Variants in CDKAL1 observed in about 807,000 individuals in gnomAD.
CDKAL1 encodes the protein CDKAL1 threonylcarbamoyladenosine tRNA methylthiotransferase.
Under a neutral mutation model 68.2 loss-of-function variants are expected in CDKAL1, and 32 were observed. The ratio of observed to expected loss-of-function variants is 0.47; its 90% CI spans 0.35 to 0.63. CDKAL1 has a LOEUF of 0.63. Ranked by LOEUF, CDKAL1 falls within the 30% of genes least tolerant of loss-of-function variation. The pLI is 0.00. For missense variants in CDKAL1, 606 were observed against 696.7 expected, an observed-to-expected ratio of 0.87 and a Z score of 1.47; for synonymous variants, 234 against 244.3, an observed-to-expected ratio of 0.96 and a Z score of 0.39.
rs1763524196 is a variant in CDKAL1 at position 20,932,748 on chromosome 6, A to G, written c.743-22671A>G. ...TTGCCAACACCAAAAATGTTTCCCTAAAGAAAAATGAGGGAGAGGATATTA... is the reference window on the plus strand; with the variant it reads ...TTGCCAACACCAAAAATGTTTCCCTGAAGAAAAATGAGGGAGAGGATATTA... On this transcript the variant is annotated intron_variant, in intron 9 of 15. Coordinates refer to ENST00000274695, the MANE Select transcript of CDKAL1 (RefSeq NM_017774.3). Among the ~76,000 whole-genome samples, 3 of 152,142 alleles carry G rather than the reference A, an allele frequency of 2.0e-5. 1 individual carries two copies. Among genetic ancestry groups the G allele is most frequent in the South Asian group, 4.2e-4 (2 of 4,814 alleles).
chr6:20,620,159 A>G (rs933562743), intron 4 of CDKAL1, among the ~76,000 whole-genome samples: 3 of 152,228 alleles, frequency 2.0e-5, no homozygotes, highest in Admixed American at 2.0e-4. Context: ...CTTATTTTCC[A>G]CATATACAGA....
At chr6:20,958,938 G>A (rs1435773336) in intron 10 of CDKAL1, among the ~76,000 whole-genome samples, 1 of 152,120 alleles carries the variant, frequency 6.6e-6, no homozygotes, top group Non-Finnish European at 1.5e-5. Context: ...GTTATATAAA[G>A]GAAAGCACCA....
chr6:21,003,431 T>C (rs965544550), intron 11 of CDKAL1, among the ~76,000 whole-genome samples: 5 of 144,146 alleles, frequency 3.5e-5, no homozygotes, highest in Non-Finnish European at 7.5e-5. Flanking sequence ...CCAGGCATGG[T>C]GGCACGTGCC....
intron 9 of CDKAL1, among the ~76,000 whole-genome samples, chr6:20,919,932 G>A (rs760418508): frequency 3.9e-5 from 6 of 152,164 alleles, no homozygotes; most frequent in Non-Finnish European, 8.8e-5. Flanking sequence ...AGGTTTGCTA[G>A]CCAGAGTGGT....
intron 13 of CDKAL1, among the ~76,000 whole-genome samples, chr6:21,158,584 A>G (rs575165243): frequency 6.6e-6 from 1 of 152,294 alleles, no homozygotes; most frequent in Admixed American, 6.5e-5. Flanking sequence ...CACTCCCTGG[A>G]CCACAAACAT....
chr6:20,577,867 T>C (rs1324173300), intron 4 of CDKAL1, among the ~76,000 whole-genome samples: 8 of 152,194 alleles, frequency 5.3e-5, no homozygotes, highest in African/African-American at 1.9e-4. Context: ...ATTAGTATCA[T>C]GGTATAAGCA....
intron 6 of CDKAL1, among the ~76,000 whole-genome samples, chr6:20,751,901 T>C (rs1181499258): frequency 1.3e-5 from 2 of 152,190 alleles, no homozygotes. Context: ...AGAGCCTCAA[T>C]TTATATATTA....
Position 21,230,947 on chromosome 6 carries a change from C to T in CDKAL1, c.1648C>T (p.Pro550Ser). The T allele has an allele frequency of 6.2e-7, 1 of 1,614,136 alleles. No homozygotes were observed. Among genetic ancestry groups the T allele is most frequent in the Non-Finnish European group, 8.5e-7 (1 of 1,179,968 alleles). Reference sequence around the variant, plus strand: ...GAGTTCCAGAATGGTGCTGCCCATGCCAAGGCTACATCAAGACTGTGCGCT... The same window carrying T: ...GAGTTCCAGAATGGTGCTGCCCATGTCAAGGCTACATCAAGACTGTGCGCT... ...SASSRMVLPM[P>S]RLHQDCALRM... Residue 550 changes from proline (P) to serine (S), a missense_variant, in exon 16 of 16, where the codon CCA becomes TCA. Transcript: ENST00000274695.
rs183223571 is a variant in CDKAL1, at chr6:20,769,856, T to G, written c.517+11213T>G. On this transcript the variant is annotated intron_variant, in intron 7 of 15. Transcript: ENST00000274695. ...TACTGATTATGCAGCCAAGCAGCAG[T>G]GTACTATAATTTGAAACCTAGTCCC... 2.4e-3 allele frequency among the ~76,000 whole-genome samples: 358 copies of G among 152,334 alleles called. 1 individual carries two copies. The highest frequency in any genetic ancestry group is 3.9e-3 in the Non-Finnish European group (264 of 68,028).
intron 2 of CDKAL1, among the ~76,000 whole-genome samples, chr6:20,541,147 T>C (rs1447403375): frequency 6.6e-6 from 1 of 152,170 alleles, no homozygotes; most frequent in Non-Finnish European, 1.5e-5. Context: ...CATTTTTTTT[T>C]CCAGATAGGT....
chr6:20,736,493 G>T (rs185512183), intron 5 of CDKAL1, among the ~76,000 whole-genome samples: 3 of 152,076 alleles, frequency 2.0e-5, no homozygotes, highest in Non-Finnish European at 4.4e-5. Context: ...TCTTCCGGCC[G>T]GGGGCGGTGG....
At chr6:20,547,834 T>G (rs933944802) in intron 3 of CDKAL1, among the ~76,000 whole-genome samples, 2 of 152,144 alleles carry the variant, frequency 1.3e-5, no homozygotes, top group East Asian at 3.8e-4. Flanking sequence ...AGGATGACGG[T>G]TTTTAACTTT....
chr6:21,046,392 G>C (rs1231191424), intron 11 of CDKAL1, among the ~76,000 whole-genome samples: 2 of 152,224 alleles, frequency 1.3e-5, no homozygotes, highest in African/African-American at 2.4e-5. Context: ...TGCTGCCTGG[G>C]TATGTAAGAA....
chr6:20,654,760 G>A (rs1373840088), intron 5 of CDKAL1, among the ~76,000 whole-genome samples: 1 of 151,968 alleles, frequency 6.6e-6, no homozygotes, highest in African/African-American at 2.4e-5. Flanking sequence ...CATATGTTGA[G>A]TGTCCATAGA....
intron 12 of CDKAL1, among the ~76,000 whole-genome samples, chr6:21,103,207 G>T (rs983453856): frequency 2.0e-5 from 3 of 152,176 alleles, no homozygotes; most frequent in African/African-American, 7.2e-5. Context: ...GGAACCAAAA[G>T]AAATTAAGTT....
In CDKAL1 at chr6:21,184,505, C is replaced by A. The variant is rs778422576; in HGVS notation, c.1300-13516C>A. Among the ~76,000 whole-genome samples the A allele has an allele frequency of 9.6e-4, 146 of 152,084 alleles. 1 individual carries two copies. The highest frequency in any genetic ancestry group is 6.5e-4 in the Non-Finnish European group (44 of 68,020). ...GCCACCACGCAGAAACCAGCTCTTA[C>A]ATGCTGAGTAGTTCACCACACAGAG... On this transcript the variant is annotated intron_variant, in intron 13 of 15. Transcript: ENST00000274695.
At chr6:20,848,040 G>A (rs1581692877) in intron 9 of CDKAL1, among the ~76,000 whole-genome samples, 1 of 152,328 alleles carries the variant, frequency 6.6e-6, no homozygotes, top group South Asian at 2.1e-4. Flanking sequence ...CTGATTGGTT[G>A]TAGAGAGCAA....
intron 4 of CDKAL1, among the ~76,000 whole-genome samples, chr6:20,571,626 T>G (rs1764706145): frequency 6.6e-6 from 1 of 152,064 alleles, no homozygotes; most frequent in African/African-American, 2.4e-5. Flanking sequence ...AAGTGATTTA[T>G]CAGTTAGTGG....
chr6:21,031,087 G>A (rs1185518498), intron 11 of CDKAL1, among the ~76,000 whole-genome samples: 5 of 152,190 alleles, frequency 3.3e-5, no homozygotes, highest in South Asian at 4.2e-4. Context: ...CTGAAGTCAA[G>A]GTATTGGTCG....
Sources: gnomAD v4.1 joint callset for allele counts (sites outside exome capture counted in the v4.1 genomes callset) on GRCh38, gnomAD v4.1.1 for gene constraint, MANE v1.5 for transcripts, NCBI Gene and HGNC (gene_info 2026-07-23, HGNC 2026-07-21) for gene names.